Variants in RORA observed in about 807,000 individuals in gnomAD.
RORA encodes RAR related orphan receptor A, also known as nuclear receptor ROR-alpha.
Under a neutral mutation model 69.5 loss-of-function variants are expected in RORA, and 7 were observed. The ratio of observed to expected loss-of-function variants is 0.10; its 90% CI spans 0.06 to 0.19. The LOEUF (loss-of-function observed/expected upper bound fraction) is 0.19. RORA is among the 10% of genes least tolerant of loss of function. The pLI is 1.00. For missense variants in RORA, 457 were observed against 663.0 expected (o/e 0.69, Z 3.41); for synonymous variants, 261 against 240.8 (o/e 1.08, Z -0.78).
chr15:60,944,383 G>A (rs1215160680), intron 1 of RORA, among the ~76,000 whole-genome samples: 1 of 152,136 alleles, frequency 6.6e-6, no homozygotes, highest in Non-Finnish European at 1.5e-5. Flanking sequence ...GCCTTAATGG[G>A]TGGAGTTACA....
chr15:60,786,303 G>C (rs1271195634), intron 1 of RORA, among the ~76,000 whole-genome samples: 1 of 152,176 alleles, frequency 6.6e-6, no homozygotes, highest in Non-Finnish European at 1.5e-5. Flanking sequence ...TTGTTGAAAG[G>C]TCAGGGGATA....
intron 1 of RORA, among the ~76,000 whole-genome samples, chr15:60,707,645 G>A (rs576296912): frequency 2.6e-5 from 4 of 152,152 alleles, no homozygotes; most frequent in Non-Finnish European, 5.9e-5. Context: ...TTACAGGCGT[G>A]AGCCACCGCA....
chr15:60,568,793 G>C (rs1429822034), intron 2 of RORA, among the ~76,000 whole-genome samples: 1 of 152,088 alleles, frequency 6.6e-6, no homozygotes, highest in African/African-American at 2.4e-5. Context: ...CTGTCAGGAT[G>C]GTTTTATATG....
intron 1 of RORA, among the ~76,000 whole-genome samples, chr15:60,991,893 G>A (rs146179218): frequency 7.8e-5 from 11 of 141,812 alleles, no homozygotes; most frequent in Non-Finnish European, 1.4e-4. Context: ...GTGACAGAGC[G>A]AGACCGTGCC....
chr15:60,601,552 C>T (rs1305488815), intron 2 of RORA, among the ~76,000 whole-genome samples: 2 of 152,108 alleles, frequency 1.3e-5, no homozygotes, highest in Non-Finnish European at 2.9e-5. Context: ...AAACCAAAAA[C>T]ATCTGTTAAA....
intron 1 of RORA, among the ~76,000 whole-genome samples, chr15:60,755,148 C>T (rs2071780612): frequency 8.1e-6 from 1 of 123,000 alleles, no homozygotes; most frequent in South Asian, 3.1e-4. Context: ...CCCCACCCCA[C>T]AACAGGCCCC....
rs559847332 is a variant in RORA at position 61,162,705 on chromosome 15, C to T, written c.166+66348G>A. ...AGTGTTTTATTAAATATCTATGGAC[C>T]CACAGTTAGCAAAAGAGCCGAGACC... On this transcript the variant is annotated intron_variant, in intron 1 of 10. Coordinates refer to ENST00000335670, the MANE Select transcript of RORA (RefSeq NM_134261.3). Among the ~76,000 whole-genome samples the T allele has an allele frequency of 2.6e-5, 4 of 152,194 alleles. No individual in the cohort carries two copies. In the South Asian group the frequency reaches 8.3e-4, roughly 32 times the overall value.
intron 2 of RORA, among the ~76,000 whole-genome samples, chr15:60,578,833 G>A (rs916461959): frequency 1.5e-4 from 23 of 148,496 alleles, no homozygotes; most frequent in Non-Finnish European, 2.2e-4. Context: ...GCACAATCTC[G>A]GCTCACTGCA....
chr15:60,915,424 C>T (rs929141232), intron 1 of RORA, among the ~76,000 whole-genome samples: 1 of 152,192 alleles, frequency 6.6e-6, no homozygotes, highest in African/African-American at 2.4e-5. Flanking sequence ...AGGAGGGGCT[C>T]ATTCTTAGGC....
chr15:60,756,990 T>G (rs1328797208), intron 1 of RORA, among the ~76,000 whole-genome samples: 1 of 152,222 alleles, frequency 6.6e-6, no homozygotes, highest in Non-Finnish European at 1.5e-5. Context: ...CAATTAATTT[T>G]GTAATAAAAT....
At chr15:60,572,692 G>C (rs1300954222) in intron 2 of RORA, among the ~76,000 whole-genome samples, 1 of 152,162 alleles carries the variant, frequency 6.6e-6, no homozygotes, top group Non-Finnish European at 1.5e-5. Context: ...TTTTCATCCT[G>C]GGTAGGAGAT....
intron 1 of RORA, among the ~76,000 whole-genome samples, chr15:60,813,942 T>C (rs993898712): frequency 6.6e-6 from 1 of 152,222 alleles, no homozygotes; most frequent in Non-Finnish European, 1.5e-5. Context: ...CAGTCCTGCT[T>C]AGTTCCATGT....
At chr15:60,956,489 A>C (rs563524600) in intron 1 of RORA, among the ~76,000 whole-genome samples, 19 of 152,310 alleles carry the variant, frequency 1.2e-4, no homozygotes, top group Admixed American at 1.2e-3. Context: ...TAGGGGAGGA[A>C]GTATAGCAGA....
chr15:60,782,878 T>C (rs1157058473), intron 1 of RORA, among the ~76,000 whole-genome samples: 1 of 152,262 alleles, frequency 6.6e-6, no homozygotes, highest in Non-Finnish European at 1.5e-5. Flanking sequence ...CTATAGGCAT[T>C]GAGTTAAACC....
At position 60,770,951 on chromosome 15, in the gene RORA, A is replaced by T. The variant is rs142593793; in HGVS notation, c.167-92265T>A. On this transcript the variant is annotated intron_variant, in intron 1 of 10. Transcript: ENST00000335670. ...TTGAATTTCAGATAAGCACCAAATA[A>T]TATTTTTGTATAAGTATGTCACATG... Among the ~76,000 whole-genome samples, 77 of 152,330 alleles carry T rather than the reference A, an allele frequency of 5.1e-4. 1 individual carries two copies. The East Asian group carries it at 9.8e-3, about 19-fold the overall frequency.
intron 1 of RORA, among the ~76,000 whole-genome samples, chr15:61,220,459 T>C (rs557508078): frequency 3.3e-5 from 5 of 152,382 alleles, no homozygotes; most frequent in East Asian, 3.9e-4. Context: ...TCCTCTGTGA[T>C]TGGATGTTGA....
At chr15:60,880,320 C>G (rs1158395095) in intron 1 of RORA, among the ~76,000 whole-genome samples, 1 of 152,208 alleles carries the variant, frequency 6.6e-6, no homozygotes, top group Non-Finnish European at 1.5e-5. Flanking sequence ...ATTAGGTCAA[C>G]CCTACTGTCA....
At chr15:61,072,959 A>G (rs906125372) in intron 1 of RORA, among the ~76,000 whole-genome samples, 4 of 152,246 alleles carry the variant, frequency 2.6e-5, no homozygotes, top group African/African-American at 9.6e-5. Context: ...GTTCCAGGAA[A>G]AGTGAATTCC....
intron 1 of RORA, among the ~76,000 whole-genome samples, chr15:60,770,067 G>C (rs1268379031): frequency 6.6e-6 from 1 of 152,092 alleles, no homozygotes; most frequent in African/African-American, 2.4e-5. Context: ...ATTTTGATTG[G>C]GTAGGAGTGT....
Sources: gnomAD v4.1 joint callset for allele counts (sites outside exome capture counted in the v4.1 genomes callset) on GRCh38, gnomAD v4.1.1 for gene constraint, MANE v1.5 for transcripts, NCBI Gene and HGNC (gene_info 2026-07-23, HGNC 2026-07-21) for gene names.